ADNP2: variants seen among roughly 807,000 people sequenced by gnomAD.
The protein encoded by ADNP2 is activity-dependent neuroprotector homeobox protein 2.
In ADNP2, 8 loss-of-function variants were observed where a neutral mutation model predicts 16.4. That is an observed-to-expected ratio of 0.49 (90% confidence interval 0.29 to 0.88). The LOEUF (loss-of-function observed/expected upper bound fraction) is 0.88, where lower values mean the gene tolerates loss of function less well. Among genes scored for constraint, ADNP2 ranks in the 40% least tolerant of loss-of-function variants. ADNP2 has a pLI of 0.09. For missense variants in ADNP2, 1,397 were observed against 1,395.1 expected (o/e 1.00, Z -0.02); for synonymous variants, 637 against 545.8 (o/e 1.17, Z -2.33).
chr18:80,140,095 C>CT lies in ADNP2; in HGVS notation c.*1287dup, dbSNP rs1197258489. 6.6e-6 allele frequency: 1 copy of CT among 152,120 alleles called. No individual in the cohort carries two copies. Among genetic ancestry groups the CT allele is most frequent in the African/African-American group, 2.4e-5 (1 of 41,414 alleles). The allele number at this position is 152,120 out of a possible 1,614,324, so 9.4% of individuals were successfully genotyped here. ...TACACAGCAGAGGAACCCCTTCACT[C>CT]TATCTTTAGGTAGAAATATTTGGAG... On this transcript the variant is annotated 3_prime_UTR_variant, in exon 4 of 4. Coordinates refer to ENST00000262198, the MANE Select transcript of ADNP2 (RefSeq NM_014913.4).
At chr18:80,133,927 G>A (rs1260692355) in intron 3 of ADNP2, 1 of 152,252 alleles carries the variant, frequency 6.6e-6, no homozygotes. Context: ...TGACCTCCTG[G>A]GTTCGAGGTG....
chr18:80,119,439 G>C (rs903252519), intron 2 of ADNP2, among the ~76,000 whole-genome samples: 1 of 149,460 alleles, frequency 6.7e-6, no homozygotes, highest in Non-Finnish European at 1.5e-5. Flanking sequence ...AAAAATCCAA[G>C]CTGACTGGAG....
chr18:80,134,128 G>T (rs1249835011), intron 3 of ADNP2, among the ~76,000 whole-genome samples: 1 of 152,122 alleles, frequency 6.6e-6, no homozygotes, highest in African/African-American at 2.4e-5. Flanking sequence ...TCCTCCACCT[G>T]AGCACAGCTT....
At chr18:80,125,642 CA>C (rs373000038) in intron 2 of ADNP2, among the ~76,000 whole-genome samples, 4 of 144,506 alleles carry the variant, frequency 2.8e-5, no homozygotes, top group Admixed American at 1.4e-4. Flanking sequence ...GACTCCGTCT[CA>C]AAAAAAAAAT....
At chr18:80,120,363 G>A (rs1195764050) in intron 2 of ADNP2, among the ~76,000 whole-genome samples, 3 of 147,300 alleles carry the variant, frequency 2.0e-5, no homozygotes, top group South Asian at 2.1e-4. Context: ...ACAGGGTCTC[G>A]CTCTTTTACC....
At chr18:80,111,562 T>C (rs2052357139) in intron 1 of ADNP2, among the ~76,000 whole-genome samples, 1 of 123,262 alleles carries the variant, frequency 8.1e-6, no homozygotes, top group African/African-American at 3.1e-5. Context: ...ATTACCTGAA[T>C]GACATTTTTT....
intron 2 of ADNP2, among the ~76,000 whole-genome samples, chr18:80,127,252 T>C (rs1007163888): frequency 2.6e-5 from 4 of 152,024 alleles, no homozygotes; most frequent in Admixed American, 6.6e-5. Context: ...TTGGAACATG[T>C]CCTTTGCAGA....
intron 1 of ADNP2, among the ~76,000 whole-genome samples, chr18:80,117,101 G>A (rs371061224): frequency 6.6e-6 from 1 of 152,138 alleles, no homozygotes; most frequent in African/African-American, 2.4e-5. Flanking sequence ...AGGAATAATG[G>A]TTTGCAAATA....
chr18:80,134,236 G>A (rs1275423006), intron 3 of ADNP2, among the ~76,000 whole-genome samples: 1 of 152,116 alleles, frequency 6.6e-6, no homozygotes, highest in Non-Finnish European at 1.5e-5. Flanking sequence ...ATCTCGTAAT[G>A]TAACTCCAGT....
rs2052567850 is a variant in ADNP2, at chr18:80,139,608, A to G, written c.*799A>G. 1 of 152,592 alleles carries G rather than the reference A, an allele frequency of 6.6e-6. No individual in the cohort carries two copies. Among genetic ancestry groups the G allele is most frequent in the African/African-American group, 2.4e-5 (1 of 41,422 alleles). The allele number at this position is 152,592 out of a possible 1,614,324, so 9.5% of individuals were successfully genotyped here. On this transcript the variant is annotated 3_prime_UTR_variant, in exon 4 of 4. Coordinates refer to ENST00000262198, the MANE Select transcript of ADNP2 (RefSeq NM_014913.4). The stretch of plus-strand genomic sequence containing the variant: ...CATTTCTCCGTTCAGAGGTAAAACA[A>G]TAAATTTTTAGTGCCTTTAGAATAA...
At chr18:80,116,271 A>G (rs1201601305) in intron 1 of ADNP2, among the ~76,000 whole-genome samples, 2 of 152,140 alleles carry the variant, frequency 1.3e-5, no homozygotes, top group Non-Finnish European at 2.9e-5. Context: ...TCATCAGTTT[A>G]TTTATCAAAT....
intron 1 of ADNP2, among the ~76,000 whole-genome samples, chr18:80,114,340 A>C (rs1394488369): frequency 2.6e-5 from 4 of 152,244 alleles, no homozygotes; most frequent in African/African-American, 4.8e-5. Flanking sequence ...TTGACATTTT[A>C]AATGGCATTT....
intron 1 of ADNP2, among the ~76,000 whole-genome samples, chr18:80,111,477 G>A (rs1321362828): frequency 6.6e-6 from 1 of 151,966 alleles, no homozygotes; most frequent in East Asian, 1.9e-4. Context: ...ATCCTTTTTG[G>A]TGACCATCGT....
At chr18:80,112,090 G>A (rs2052361368) in intron 1 of ADNP2, among the ~76,000 whole-genome samples, 1 of 152,080 alleles carries the variant, frequency 6.6e-6, no homozygotes, top group South Asian at 2.1e-4. Context: ...CGGTTAGCCT[G>A]CTGTTTTCTA....
At chr18:80,117,406 C>T (rs1254920513) in intron 1 of ADNP2, 124 bp from the exon 2 acceptor site, 3 of 531,514 alleles carry the variant, frequency 5.6e-6, no homozygotes, top group Admixed American at 4.0e-5. Flanking sequence ...AATGTTCACT[C>T]GTTCTACAAC....
chr18:80,124,254 C>G (rs1022088350), intron 2 of ADNP2, among the ~76,000 whole-genome samples: 4 of 152,156 alleles, frequency 2.6e-5, no homozygotes, highest in Non-Finnish European at 2.9e-5. Flanking sequence ...TAATCTGTCT[C>G]TCTCTCTGTC....
chr18:80,120,930 T>C (rs910276589), intron 2 of ADNP2, among the ~76,000 whole-genome samples: 1 of 152,240 alleles, frequency 6.6e-6, no homozygotes, highest in Non-Finnish European at 1.5e-5. Context: ...TGAATTATGC[T>C]GCAATGAACA....
intron 2 of ADNP2, among the ~76,000 whole-genome samples, chr18:80,127,538 C>T (rs6506805): frequency 0.24 from 36,362 of 151,922 alleles, 5,942 homozygotes; most frequent in African/African-American, 0.47. Context: ...TCACTTCTCT[C>T]GTTGCGTTCA....
At chr18:80,125,440 G>A (rs62102640) in intron 2 of ADNP2, among the ~76,000 whole-genome samples, 1 of 151,984 alleles carries the variant, frequency 6.6e-6, no homozygotes, top group African/African-American at 2.4e-5. Flanking sequence ...TCAGGAGATC[G>A]AGACCATTCT....
Sources: allele counts gnomAD v4.1 joint callset (sites outside exome capture counted in the v4.1 genomes callset), GRCh38; gene constraint gnomAD v4.1.1; transcripts MANE v1.5; gene names NCBI Gene and HGNC (gene_info 2026-07-23, HGNC 2026-07-21).